The following GOLGA6L10 variants were observed in gnomAD, a reference collection of about 807,000 sequenced individuals.
The protein encoded by GOLGA6L10 is golgin A6 family like 10, also known as golgin subfamily A member 6-like protein 10.
In GOLGA6L10, 4 loss-of-function variants were observed where a neutral mutation model predicts 56.9. The ratio of observed to expected loss-of-function variants is 0.07; its 90% CI spans 0.03 to 0.16. The LOEUF (loss-of-function observed/expected upper bound fraction) is 0.16, where lower values mean the gene tolerates loss of function less well. Ranked by LOEUF, GOLGA6L10 falls within the 10% of genes least tolerant of loss-of-function variation. The probability of loss-of-function intolerance (pLI) is 1.00; values close to 1 mark genes in which losing one functional copy is unlikely to be tolerated. For missense variants in GOLGA6L10, 34 were observed against 558.3 expected (o/e 0.06, Z 9.46); for synonymous variants, 11 against 220.9 (o/e 0.05, Z 8.43).
In GOLGA6L10 at chr15:82,341,306, T is replaced by G; in HGVS notation, c.*1470A>C. On this transcript the variant is annotated 3_prime_UTR_variant, in exon 9 of 9. Transcript: ENST00000610657. Reference sequence around the variant, plus strand: ...TATAGACACTTTCCTCATGACACTTTGACAGTCACAAACAGTAGATTGCGC... The same window carrying G: ...TATAGACACTTTCCTCATGACACTTGGACAGTCACAAACAGTAGATTGCGC... 1.6e-5 allele frequency: 1 copy of G among 62,852 alleles called. No individual in the cohort carries two copies. Among genetic ancestry groups the G allele is most frequent in the Non-Finnish European group, 3.1e-5 (1 of 31,766 alleles). The allele number at this position is 62,852 out of a possible 1,614,324, so 3.9% of individuals were successfully genotyped here. A position where few individuals can be genotyped will look rare whatever the true frequency, so the allele number is the denominator to read the frequency against.
chr15:82,348,048 A>G (rs1273066078), intron 1 of GOLGA6L10, among the ~76,000 whole-genome samples: 7 of 152,128 alleles, frequency 4.6e-5, no homozygotes, highest in Non-Finnish European at 8.8e-5. Context: ...ATGTGTCCTC[A>G]TGGCAGAAGG....
At position 82,344,917 on chromosome 15, in the gene GOLGA6L10, C is replaced by T. The variant is rs1347234056; in HGVS notation, c.943G>A (p.Glu315Lys). 6.6e-7 allele frequency: 1 copy of T among 1,514,272 alleles called. No homozygotes were observed. Among genetic ancestry groups the T allele is most frequent in the African/African-American group, 1.4e-5 (1 of 69,304 alleles). 93.8% of individuals were successfully genotyped at this position (1,514,272 alleles called of 1,614,324 possible). A position where few individuals can be genotyped will look rare whatever the true frequency, so the allele number is the denominator to read the frequency against. ...RLCEQEERLC[E>K]QEERLCEQEK... ...TGTTCACACAGCCTCTCCTCCTGTT[C>T]ACATAGCCTCTCCTCCTGTTCACAT... The change falls in exon 6 of 9, where the codon GAA (glutamate) becomes AAA (lysine). Residue 315 changes from glutamate to lysine, a missense_variant. Physicochemically the swap from Glu to Lys is moderately conservative, Grantham distance 56. Transcript: ENST00000610657.
rs2075644201 is a variant in GOLGA6L10, at chr15:82,342,218, A to C, written c.*558T>G. 1.0e-5 allele frequency: 2 copies of C among 190,970 alleles called. No homozygotes were observed. Among genetic ancestry groups the C allele is most frequent in the Admixed American group, 1.1e-4 (2 of 18,368 alleles). 11.8% of individuals were successfully genotyped at this position (190,970 alleles called of 1,614,324 possible). A position where few individuals can be genotyped will look rare whatever the true frequency, so the allele number is the denominator to read the frequency against. ...ACAGTGGCATATTACAAAGTAATAG[A>C]CCGCGCACTTGAGGGCAAACCACAT... On this transcript the variant is annotated 3_prime_UTR_variant, in exon 9 of 9. Transcript: ENST00000610657.
chr15:82,345,440 CA>C lies in GOLGA6L10; in HGVS notation c.434-15del. ...CCAGGGGTTCAGCTGAGAAAGCAAG[CA>C]GAGAATAAGGGCCTCTGGATTCTCA... On this transcript the variant is annotated splice_polypyrimidine_tract_variant and intron_variant, in intron 5 of 8. Coordinates refer to ENST00000610657, the MANE Select transcript of GOLGA6L10 (RefSeq NM_001164465.3). The C allele has an allele frequency of 6.3e-7, 1 of 1,596,298 alleles. No homozygotes were observed. The highest frequency in any genetic ancestry group is 1.3e-5 in the African/African-American group (1 of 74,144).
rs2075637767 is a variant in GOLGA6L10 at position 82,340,702 on chromosome 15, A to G, written c.*2074T>C. The stretch of plus-strand genomic sequence containing the variant: ...TTGAAGAAAGACTTGAGTTATTGTC[A>G]TAGGATTTCCATTCTCTTTAGCTTT... On this transcript the variant is annotated 3_prime_UTR_variant, in exon 9 of 9. Coordinates refer to ENST00000610657, the MANE Select transcript of GOLGA6L10 (RefSeq NM_001164465.3). The G allele has an allele frequency of 6.6e-6, 1 of 150,780 alleles. No homozygotes were observed. Among genetic ancestry groups the G allele is most frequent in the Non-Finnish European group, 1.5e-5 (1 of 67,598 alleles). 9.3% of individuals were successfully genotyped at this position (150,780 alleles called of 1,614,324 possible). A position where few individuals can be genotyped will look rare whatever the true frequency, so the allele number is the denominator to read the frequency against.
chr15:82,344,837 T>G lies in GOLGA6L10; in HGVS notation c.1023A>C (p.Glu341Asp), dbSNP rs1409897305. 6.5e-7 allele frequency: 1 copy of G among 1,533,554 alleles called. No individual in the cohort carries two copies. The highest frequency in any genetic ancestry group is 8.7e-7 in the Non-Finnish European group (1 of 1,146,372). The allele number at this position is 1,533,554 out of a possible 1,614,324, so 95.0% of individuals were successfully genotyped here. A position where few individuals can be genotyped will look rare whatever the true frequency, so the allele number is the denominator to read the frequency against. The change falls in exon 6 of 9, where the codon GAA becomes GAC. Residue 341 changes from glutamate to aspartate, a missense_variant. Physicochemically the swap from Glu to Asp is conservative, Grantham distance 45. Transcript: ENST00000610657. Reference sequence around the variant, plus strand: ...CCTGCTCCTCCTGCCGCCTCTCCTGTTCTAACAGCTTCTCCACCTCTTCCA... The same window carrying G: ...CCTGCTCCTCCTGCCGCCTCTCCTGGTCTAACAGCTTCTCCACCTCTTCCA... ...RLLEEVEKLL[E>D]QERRQEEQER...
rs1284717363 is a variant in GOLGA6L10 at position 82,342,114 on chromosome 15, C to G, written c.*662G>C. ...AAAACCTCCCCAAAATGTTATTACTCCCATCCCCAATACACAGAAAAAGGG... is the reference window on the plus strand; with the variant it reads ...AAAACCTCCCCAAAATGTTATTACTGCCATCCCCAATACACAGAAAAAGGG... On this transcript the variant is annotated 3_prime_UTR_variant, in exon 9 of 9. Coordinates refer to ENST00000610657, the MANE Select transcript of GOLGA6L10 (RefSeq NM_001164465.3). 1 of 153,390 alleles carries G rather than the reference C, an allele frequency of 6.5e-6. No individual in the cohort carries two copies. The highest frequency in any genetic ancestry group is 2.6e-5 in the African/African-American group (1 of 39,046). 9.5% of individuals were successfully genotyped at this position (153,390 alleles called of 1,614,324 possible).
rs1406814294 is a variant in GOLGA6L10 at position 82,345,317 on chromosome 15, C to T, written c.543G>A (p.Gln181=). 1 of 1,590,134 alleles carries T rather than the reference C, an allele frequency of 6.3e-7. No homozygotes were observed. Among genetic ancestry groups the T allele is most frequent in the South Asian group, 1.1e-5 (1 of 89,058 alleles). The change falls in exon 6 of 9, where the codon CAG becomes CAA. Residue 181 remains glutamine, a synonymous_variant. Coordinates refer to ENST00000610657, the MANE Select transcript of GOLGA6L10 (RefSeq NM_001164465.3). ...KELESVGRQL[Q]AEVENNQMLS... ...ACATCTGATTGTTTTCCACCTCAGC[C>T]TGGAGCTGTCTTCCCACACTCTCTA...
Position 82,342,800 on chromosome 15 carries a change from C to A in GOLGA6L10, c.1545G>T (p.Arg515Ser). The A allele has an allele frequency of 6.2e-7, 1 of 1,606,236 alleles. No individual in the cohort carries two copies. The highest frequency in any genetic ancestry group is 8.5e-7 in the Non-Finnish European group (1 of 1,179,860). ...ACHSFRAAEN[R>S]ELNITII Reference sequence around the variant, plus strand: ...CTTAGATGATGGTGATGTTTAGCTCCCTGTTCTCCGCAGCCCGAAAAGAAT... The same window carrying A: ...CTTAGATGATGGTGATGTTTAGCTCACTGTTCTCCGCAGCCCGAAAAGAAT... Residue 515 changes from arginine (R) to serine (S), a missense_variant, in exon 9 of 9, where the codon AGG (arginine) becomes AGT (serine). By Grantham distance (110) the Arg-to-Ser change is moderately radical (BLOSUM62 -1). Transcript: ENST00000610657.
rs1278637049 is a variant in GOLGA6L10, at chr15:82,340,072, C to T, written c.*2704G>A. ...GCATCACAGAAGCAGTCAATAATGC[C>T]ACTTTAGACAAAAATCAGTATTTCC... On this transcript the variant is annotated 3_prime_UTR_variant, in exon 9 of 9. Coordinates refer to ENST00000610657, the MANE Select transcript of GOLGA6L10 (RefSeq NM_001164465.3). 17 of 151,430 alleles carry T rather than the reference C, an allele frequency of 1.1e-4. No individual in the cohort carries two copies. Among genetic ancestry groups the T allele is most frequent in the African/African-American group, 4.1e-4 (17 of 41,392 alleles). The allele number at this position is 151,430 out of a possible 1,614,324, so 9.4% of individuals were successfully genotyped here.
chr15:82,340,338 T>G lies in GOLGA6L10; in HGVS notation c.*2438A>C, dbSNP rs1352075822. ...GACTGTAAGATAAAGTTTTAGAGAA[T>G]CTATTTTGGATAGGGTTGATTTACA... On this transcript the variant is annotated 3_prime_UTR_variant, in exon 9 of 9. Coordinates refer to ENST00000610657, the MANE Select transcript of GOLGA6L10 (RefSeq NM_001164465.3). The G allele has an allele frequency of 1.3e-5, 2 of 151,504 alleles. No homozygotes were observed. Among genetic ancestry groups the G allele is most frequent in the Non-Finnish European group, 2.9e-5 (2 of 67,828 alleles). The allele number at this position is 151,504 out of a possible 1,614,324, so 9.4% of individuals were successfully genotyped here.
chr15:82,340,560 T>G lies in GOLGA6L10; in HGVS notation c.*2216A>C, dbSNP rs1364526118. 6.6e-6 allele frequency: 1 copy of G among 151,406 alleles called. No individual in the cohort carries two copies. Among genetic ancestry groups the G allele is most frequent in the African/African-American group, 2.4e-5 (1 of 41,414 alleles). 9.4% of individuals were successfully genotyped at this position (151,406 alleles called of 1,614,324 possible). A position where few individuals can be genotyped will look rare whatever the true frequency, so the allele number is the denominator to read the frequency against. On this transcript the variant is annotated 3_prime_UTR_variant, in exon 9 of 9. Coordinates refer to ENST00000610657, the MANE Select transcript of GOLGA6L10 (RefSeq NM_001164465.3). ...CTCACATTTTAAAATTCTCTCTTTC[T>G]GCTGAACTCTAACCTTCTAATATTG... is the stretch of plus-strand genomic sequence containing the variant.
intron 2 of GOLGA6L10, 56 bp downstream of exon 2, chr15:82,347,453 AC>A: frequency 6.2e-7 from 1 of 1,602,982 alleles, no homozygotes; most frequent in East Asian, 2.2e-5. Context: ...CTTAACAATT[AC>A]CCTCTACTGC....
rs2075637871 is a variant in GOLGA6L10 at position 82,340,743 on chromosome 15, C to T, written c.*2033G>A. On this transcript the variant is annotated 3_prime_UTR_variant, in exon 9 of 9. Transcript: ENST00000610657. ...CTTTAGCTTTTTCTTAAACATATGACAAAATACCTACACAGAGAGTGGTAT... is the reference window on the plus strand; with the variant it reads ...CTTTAGCTTTTTCTTAAACATATGATAAAATACCTACACAGAGAGTGGTAT... 2 of 149,936 alleles carry T rather than the reference C, an allele frequency of 1.3e-5. 1 individual carries two copies. The highest frequency in any genetic ancestry group is 1.4e-4 in the Admixed American group (2 of 14,740). The allele number at this position is 149,936 out of a possible 1,614,324, so 9.3% of individuals were successfully genotyped here. A position where few individuals can be genotyped will look rare whatever the true frequency, so the allele number is the denominator to read the frequency against.
rs1300769302 is a variant in GOLGA6L10, at chr15:82,340,564, G to C, written c.*2212C>G. 2.0e-5 allele frequency: 3 copies of C among 151,226 alleles called. No individual in the cohort carries two copies. Among genetic ancestry groups the C allele is most frequent in the African/African-American group, 7.3e-5 (3 of 41,378 alleles). 9.4% of individuals were successfully genotyped at this position (151,226 alleles called of 1,614,324 possible). On this transcript the variant is annotated 3_prime_UTR_variant, in exon 9 of 9. Coordinates refer to ENST00000610657, the MANE Select transcript of GOLGA6L10 (RefSeq NM_001164465.3). ...CATTTTAAAATTCTCTCTTTCTGCT[G>C]AACTCTAACCTTCTAATATTGCCTT...
In GOLGA6L10 at chr15:82,342,321, T is replaced by C. The variant is rs1398568639; in HGVS notation, c.*455A>G. On this transcript the variant is annotated 3_prime_UTR_variant, in exon 9 of 9. Coordinates refer to ENST00000610657, the MANE Select transcript of GOLGA6L10 (RefSeq NM_001164465.3). ...AGAACATAAGGAAATTTTATCTGAA[T>C]TCCGTAATGAATATACAGGCTGTAC... 1 of 213,762 alleles carries C rather than the reference T, an allele frequency of 4.7e-6. No individual in the cohort carries two copies. The highest frequency in any genetic ancestry group is 2.4e-5 in the African/African-American group (1 of 41,708). 13.2% of individuals were successfully genotyped at this position (213,762 alleles called of 1,614,324 possible).
intron 1 of GOLGA6L10, among the ~76,000 whole-genome samples, chr15:82,347,885 A>G (rs2141430939): frequency 6.6e-6 from 1 of 152,398 alleles, no homozygotes; most frequent in East Asian, 1.9e-4. Flanking sequence ...TTTGCCATGA[A>G]TCAGCAGCTT....
rs2075637800 is a variant in GOLGA6L10, at chr15:82,340,707, A to G, written c.*2069T>C. 2 of 150,708 alleles carry G rather than the reference A, an allele frequency of 1.3e-5. No individual in the cohort carries two copies. Among genetic ancestry groups the G allele is most frequent in the Admixed American group, 6.7e-5 (1 of 14,862 alleles). The allele number at this position is 150,708 out of a possible 1,614,324, so 9.3% of individuals were successfully genotyped here. ...GAAAGACTTGAGTTATTGTCATAGG[A>G]TTTCCATTCTCTTTAGCTTTTTCTT... On this transcript the variant is annotated 3_prime_UTR_variant, in exon 9 of 9. Coordinates refer to ENST00000610657, the MANE Select transcript of GOLGA6L10 (RefSeq NM_001164465.3).
chr15:82,346,171 ACT>A (rs1365393882), intron 4 of GOLGA6L10, among the ~76,000 whole-genome samples: 2 of 151,198 alleles, frequency 1.3e-5, no homozygotes, highest in Admixed American at 1.3e-4. Context: ...GACCTTTGAT[ACT>A]CTCTACCTCC....
Sources: allele counts gnomAD v4.1 joint callset (sites outside exome capture counted in the v4.1 genomes callset), GRCh38; gene constraint gnomAD v4.1.1; transcripts MANE v1.5; gene names NCBI Gene and HGNC (gene_info 2026-07-23, HGNC 2026-07-21).